The following ALKAL1 variants were observed in gnomAD, a reference collection of about 807,000 sequenced individuals.
The protein encoded by ALKAL1 is AUG-beta.
Under a neutral mutation model 13.5 loss-of-function variants are expected in ALKAL1, and 23 were observed. That is an observed-to-expected ratio of 1.70 (90% CI 1.23 to 2.41). The LOEUF (loss-of-function observed/expected upper bound fraction) is 2.41. ALKAL1 is among the 30% of genes most tolerant of loss of function. The pLI, the probability that ALKAL1 is intolerant of heterozygous loss-of-function variation, is 0.00. For synonymous variants in ALKAL1, 85 were observed against 77.7 expected (o/e 1.09, Z -0.49); for missense variants, 181 against 178.4 (o/e 1.01, Z -0.08).
chr8:52,535,626 A>C (rs1847259342), intron 4 of ALKAL1, among the ~76,000 whole-genome samples: 1 of 151,782 alleles, frequency 6.6e-6, no homozygotes, highest in Non-Finnish European at 1.5e-5. Flanking sequence ...GATTGAGAGT[A>C]ATTGAATTAA....
At chr8:52,548,659 T>C (rs569109548) in intron 1 of ALKAL1, among the ~76,000 whole-genome samples, 22 of 151,738 alleles carry the variant, frequency 1.4e-4, no homozygotes, top group Admixed American at 1.2e-3. Context: ...TCCTGTGATA[T>C]ATAATTACAA....
intron 4 of ALKAL1, among the ~76,000 whole-genome samples, chr8:52,536,731 A>T (rs1004539515): frequency 6.6e-6 from 1 of 152,208 alleles, no homozygotes; most frequent in Non-Finnish European, 1.5e-5. Flanking sequence ...TAGAACATCT[A>T]AGTACTTTTG....
intron 1 of ALKAL1, among the ~76,000 whole-genome samples, chr8:52,547,636 A>G (rs1004110420): frequency 1.3e-5 from 2 of 152,220 alleles, no homozygotes; most frequent in East Asian, 1.9e-4. Flanking sequence ...GGAGCCACAC[A>G]TGTAATTCTA....
chr8:52,546,634 C>A (rs1847372021), intron 1 of ALKAL1, among the ~76,000 whole-genome samples: 1 of 152,210 alleles, frequency 6.6e-6, no homozygotes, highest in African/African-American at 2.4e-5. Flanking sequence ...TTCTCCCTTG[C>A]ACTTACCTAT....
chr8:52,546,976 C>A (rs2150345274), intron 1 of ALKAL1, among the ~76,000 whole-genome samples: 1 of 152,268 alleles, frequency 6.6e-6, no homozygotes, highest in Admixed American at 6.5e-5. Context: ...CTCCTATTTG[C>A]AGTAAAAACA....
intron 4 of ALKAL1, among the ~76,000 whole-genome samples, chr8:52,535,311 G>A (rs1847254519): frequency 6.6e-6 from 1 of 151,654 alleles, no homozygotes. Context: ...ACTTTGTGCA[G>A]CCAAGATGGG....
Position 52,565,110 on chromosome 8 carries a change from G to A in ALKAL1, c.147C>T (p.Pro49=). 1 of 1,415,930 alleles carries A rather than the reference G, an allele frequency of 7.1e-7. No individual in the cohort carries two copies. Among genetic ancestry groups the A allele is most frequent in the South Asian group, 1.5e-5 (1 of 66,594 alleles). The allele number at this position is 1,415,930 out of a possible 1,614,324, so 87.7% of individuals were successfully genotyped here. Reference sequence around the variant, plus strand: ...TGGGAGTCCGGCCGGCCCCGGCCGCGGGGAGGAAAAGCAACGGCTTGGGCT... The same window carrying A: ...TGGGAGTCCGGCCGGCCCCGGCCGCAGGGAGGAAAAGCAACGGCTTGGGCT... The part of the protein sequence containing the change: ...DKEPKPLLFL[P]AAGAGRTPSG... The change falls in exon 1 of 5, where the codon CCC becomes CCT. Residue 49 remains proline, a synonymous_variant. Transcript: ENST00000358543.
intron 2 of ALKAL1, 34 bp from the exon 3 acceptor site, chr8:52,539,945 A>G (rs1292173149): frequency 6.3e-7 from 1 of 1,587,912 alleles, no homozygotes. Flanking sequence ...TATTATAAAC[A>G]TAGGCATGTT....
intron 1 of ALKAL1, among the ~76,000 whole-genome samples, chr8:52,563,279 T>G (rs1048126710): frequency 6.6e-6 from 1 of 151,758 alleles, no homozygotes; most frequent in Non-Finnish European, 1.5e-5. Context: ...AAATAAAAAT[T>G]AAAATTAGCC....
In ALKAL1 at chr8:52,539,845, C is replaced by T; in HGVS notation, c.311G>A (p.Cys104Tyr). The T allele has an allele frequency of 1.9e-6, 3 of 1,609,246 alleles. No homozygotes were observed. The highest frequency in any genetic ancestry group is 1.7e-6 in the Non-Finnish European group (2 of 1,177,776). The part of the protein sequence containing the change: ...FHRLYYNTRE[C>Y]STPAYYKRCA... ...AAGTTACTTACAAGCTGGCGTTGAG[C>T]ACTCCCTGGTATTGTAATAGAGTCG... The change falls in exon 3 of 5, where the codon TGC (cysteine) becomes TAC (tyrosine). Residue 104 changes from cysteine (C) to tyrosine (Y), a missense_variant. Transcript: ENST00000358543.
rs1395030465 is a variant in ALKAL1, at chr8:52,534,600, TCTGTGGGGGTAAAAGAAGAGCC to T, written c.*13-22_*13-1del. ...ATTAGATGTACATTCTTAGGAAATG[TCTGTGGGGGTAAAAGAAGAGCC>T]ATATCATTTATGACCTGGTTTTTAG... On this transcript the variant is annotated splice_acceptor_variant and splice_polypyrimidine_tract_variant and intron_variant, in intron 4 of 4. Transcript: ENST00000358543. LOFTEE classifies it low-confidence loss of function (3UTR_SPLICE). 1 of 601,778 alleles carries T rather than the reference TCTGTGGGGGTAAAAGAAGAGCC, an allele frequency of 1.7e-6. No individual in the cohort carries two copies. Among genetic ancestry groups the T allele is most frequent in the African/African-American group, 1.9e-5 (1 of 52,916 alleles). 37.3% of individuals were successfully genotyped at this position (601,778 alleles called of 1,614,324 possible).
intron 1 of ALKAL1, among the ~76,000 whole-genome samples, chr8:52,547,020 T>C (rs1338106909): frequency 6.6e-6 from 1 of 152,202 alleles, no homozygotes; most frequent in Non-Finnish European, 1.5e-5. Context: ...GGGAGCAGAA[T>C]TCTGGGGTGG....
intron 1 of ALKAL1, among the ~76,000 whole-genome samples, chr8:52,557,796 G>A (rs749481719): frequency 1.4e-4 from 21 of 150,820 alleles, no homozygotes; most frequent in Non-Finnish European, 3.0e-5. Flanking sequence ...ACCAGCCTGG[G>A]CAATGTAGCG....
Position 52,542,448 on chromosome 8 carries a change from G to T in ALKAL1, c.191-3C>A. 6.7e-7 allele frequency: 1 copy of T among 1,493,138 alleles called. No homozygotes were observed. The highest frequency in any genetic ancestry group is 9.2e-7 in the Non-Finnish European group (1 of 1,090,026). The allele number at this position is 1,493,138 out of a possible 1,614,324, so 92.5% of individuals were successfully genotyped here. A position where few individuals can be genotyped will look rare whatever the true frequency, so the allele number is the denominator to read the frequency against. On this transcript the variant is annotated splice_polypyrimidine_tract_variant and splice_region_variant and intron_variant, in intron 1 of 4. Coordinates refer to ENST00000358543, the MANE Select transcript of ALKAL1 (RefSeq NM_207413.4). ...GTTAGAGTCTCTTGGGAATATTTCTGAAAAGAAAAAAAAAACCATCAGAAT... is the reference window on the plus strand; with the variant it reads ...GTTAGAGTCTCTTGGGAATATTTCTTAAAAGAAAAAAAAAACCATCAGAAT...
At chr8:52,544,467 C>T (rs1259230682) in intron 1 of ALKAL1, among the ~76,000 whole-genome samples, 1 of 152,132 alleles carries the variant, frequency 6.6e-6, no homozygotes, top group Non-Finnish European at 1.5e-5. Flanking sequence ...TGAGACAAGG[C>T]TGCAGGTGCA....
At chr8:52,536,582 T>C (rs1375647073) in intron 4 of ALKAL1, among the ~76,000 whole-genome samples, 1 of 152,166 alleles carries the variant, frequency 6.6e-6, no homozygotes, top group Admixed American at 6.5e-5. Flanking sequence ...TAACTACATG[T>C]TCATTATCTT....
chr8:52,559,480 C>T (rs1053878255), intron 1 of ALKAL1, among the ~76,000 whole-genome samples: 3 of 152,220 alleles, frequency 2.0e-5, no homozygotes, highest in Middle Eastern at 3.4e-3. Context: ...CCACCTTTCT[C>T]CTCCTCACTC....
At chr8:52,560,941 A>G (rs1847543620) in intron 1 of ALKAL1, among the ~76,000 whole-genome samples, 1 of 152,220 alleles carries the variant, frequency 6.6e-6, no homozygotes, top group Non-Finnish European at 1.5e-5. Context: ...AACCCTGCAA[A>G]TAACATAATA....
chr8:52,539,016 G>A lies in ALKAL1; in HGVS notation c.326-509C>T, dbSNP rs1490875288. 4.0e-5 allele frequency among the ~76,000 whole-genome samples: 6 copies of A among 151,818 alleles called. No homozygotes were observed. The South Asian group carries it at 1.0e-3, about 26-fold the overall frequency. On this transcript the variant is annotated intron_variant, in intron 3 of 4. Transcript: ENST00000358543. ...CATGTTGCCAAGGCTGGTCTCAAAC[G>A]CCTGAGCTCAAGCGATCCGCTTGCC...
Sources: gnomAD v4.1 joint callset for allele counts (sites outside exome capture counted in the v4.1 genomes callset) on GRCh38, gnomAD v4.1.1 for gene constraint, MANE v1.5 for transcripts, NCBI Gene and HGNC (gene_info 2026-07-23, HGNC 2026-07-21) for gene names.